SMYD5: variants seen among roughly 807,000 people sequenced by gnomAD.
SMYD5 encodes the protein SMYD family member 5.
SMYD5 carries 35 observed loss-of-function variants against 57.4 expected under a neutral mutation model. The ratio of observed to expected loss-of-function variants is 0.61; its 90% confidence interval spans 0.47 to 0.81. The LOEUF (loss-of-function observed/expected upper bound fraction) is 0.81, where lower values mean the gene tolerates loss of function less well. SMYD5 is among the 30% of genes least tolerant of loss of function. The pLI, the probability that SMYD5 is intolerant of heterozygous loss-of-function variation, is 0.00. For missense variants in SMYD5, 471 were observed against 527.9 expected (o/e 0.89, Z 1.06); for synonymous variants, 198 against 189.7 (o/e 1.04, Z -0.36).
chr2:73,221,432 CTTTTT>C (rs57627686), intron 5 of SMYD5, among the ~76,000 whole-genome samples, 198 bp downstream of exon 5: 2 of 128,494 alleles, frequency 1.6e-5, no homozygotes. Flanking sequence ...TGCCTGTAGT[CTTTTT>C]TTTTTTTTTT....
chr2:73,224,714 G>T, intron 10 of SMYD5, 152 bp from the exon 11 acceptor site: 1 of 592,166 alleles, frequency 1.7e-6, no homozygotes, highest in Non-Finnish European at 3.0e-6. Context: ...CTTCAGGAAA[G>T]AACACTGGAT....
chr2:73,225,581 T>G, intron 11 of SMYD5, 50 bp from the exon 12 acceptor site: 1 of 1,550,228 alleles, frequency 6.5e-7, no homozygotes, highest in Non-Finnish European at 8.9e-7. Flanking sequence ...GAGGTCCTTA[T>G]GCCATTTAAA....
Position 73,220,191 on chromosome 2 carries a change from G to C in SMYD5, c.345+1G>C, listed in dbSNP as rs1686357466. 6.2e-7 allele frequency: 1 copy of C among 1,614,064 alleles called. No individual in the cohort carries two copies. Among genetic ancestry groups the C allele is most frequent in the East Asian group, 2.2e-5 (1 of 44,872 alleles). On this transcript the variant is annotated splice_donor_variant, in intron 3 of 12. Coordinates refer to ENST00000389501, the MANE Select transcript of SMYD5 (RefSeq NM_006062.3). LOFTEE classifies it high-confidence loss of function. ...CCACCAGAACTGTCCCCATTGCCAA[G>C]TGAGTATTCTTGGGGAGTGTACCTG...
Position 73,223,934 on chromosome 2 carries a change from T to A in SMYD5, c.884-13T>A, listed in dbSNP as rs1424253535. 6.2e-7 allele frequency: 1 copy of A among 1,612,946 alleles called. No individual in the cohort carries two copies. Among genetic ancestry groups the A allele is most frequent in the South Asian group, 1.1e-5 (1 of 91,056 alleles). On this transcript the variant is annotated splice_polypyrimidine_tract_variant and intron_variant, in intron 9 of 12. Transcript: ENST00000389501. ...AATGGGTAGAATAATGTGTGTGTAT[T>A]ACTGTCTTACAGCAACTGGAGAGTT...
Position 73,221,941 on chromosome 2 carries a change from T to C in SMYD5, c.642+11T>C. On this transcript the variant is annotated intron_variant, in intron 6 of 12. Coordinates refer to ENST00000389501, the MANE Select transcript of SMYD5 (RefSeq NM_006062.3). ...GGAGACAAATTCAAGGTTATTATTC[T>C]CCCGTGGCCTGTCTCCTTCCCTCCC... 1 of 1,530,888 alleles carries C rather than the reference T, an allele frequency of 6.5e-7. No individual in the cohort carries two copies. The highest frequency in any genetic ancestry group is 9.1e-7 in the Non-Finnish European group (1 of 1,104,196). The allele number at this position is 1,530,888 out of a possible 1,614,324, so 94.8% of individuals were successfully genotyped here. A position where few individuals can be genotyped will look rare whatever the true frequency, so the allele number is the denominator to read the frequency against.
chr2:73,217,824 A>C (rs1373639014), intron 1 of SMYD5, among the ~76,000 whole-genome samples: 2 of 152,046 alleles, frequency 1.3e-5, no homozygotes, highest in Non-Finnish European at 2.9e-5. Context: ...GAGTAGTGGG[A>C]GTATGTGCCC....
intron 5 of SMYD5, 147 bp downstream of exon 5, chr2:73,221,381 C>A: frequency 1.6e-6 from 1 of 638,416 alleles, no homozygotes; most frequent in Non-Finnish European, 2.8e-6. Context: ...GTAAAACCTT[C>A]AGAATGCACT....
intron 3 of SMYD5, 75 bp downstream of exon 3, chr2:73,220,265 C>T: frequency 6.5e-7 from 1 of 1,531,872 alleles, no homozygotes; most frequent in Non-Finnish European, 9.0e-7. Context: ...AGTGGGGAGA[C>T]AGGAGCAGCG....
chr2:73,217,467 C>T (rs191555067), intron 1 of SMYD5, among the ~76,000 whole-genome samples: 23 of 152,256 alleles, frequency 1.5e-4, no homozygotes, highest in East Asian at 1.4e-3. Flanking sequence ...TTCATATTGT[C>T]GTGTCCCATA....
chr2:73,223,855 C>T, intron 9 of SMYD5, 92 bp from the exon 10 acceptor site: 1 of 1,175,266 alleles, frequency 8.5e-7, no homozygotes, highest in Non-Finnish European at 1.3e-6. Context: ...GGTTGCAGGA[C>T]AGTGGAGACA....
chr2:73,222,248 G>A (rs561048403), intron 6 of SMYD5, among the ~76,000 whole-genome samples: 32 of 152,326 alleles, frequency 2.1e-4, no homozygotes, highest in African/African-American at 7.5e-4. Context: ...GAATGGGGCC[G>A]CAGAATCAGA....
chr2:73,214,403 C>T, intron 1 of SMYD5, 41 bp downstream of exon 1: 1 of 1,612,228 alleles, frequency 6.2e-7, no homozygotes, highest in Non-Finnish European at 8.5e-7. Flanking sequence ...TCTCCCCAGT[C>T]CGGCCATGGA....
intron 1 of SMYD5, chr2:73,214,884 T>C: frequency 1.7e-6 from 2 of 1,211,254 alleles, no homozygotes; most frequent in Non-Finnish European, 2.1e-6. Context: ...TTGTCGTTTT[T>C]ATTGTGTTCC....
In SMYD5 at chr2:73,224,916, T is replaced by C. The variant is rs1686469992; in HGVS notation, c.991T>C (p.Phe331Leu). 1.2e-6 allele frequency: 2 copies of C among 1,614,058 alleles called. No homozygotes were observed. The highest frequency in any genetic ancestry group is 1.7e-6 in the Non-Finnish European group (2 of 1,179,962). ...NAETSFPENN[F>L]LLHVTALEDI... ...AGAGACCTCCTTTCCAGAAAACAACTTCCTTTTGCATGTCACTGCTCTGGA... is the reference window on the plus strand; with the variant it reads ...AGAGACCTCCTTTCCAGAAAACAACCTCCTTTTGCATGTCACTGCTCTGGA... Residue 331 changes from phenylalanine to leucine, a missense_variant, in exon 11 of 13, where the codon TTC (phenylalanine) becomes CTC (leucine). Phe to Leu is a conservative substitution (Grantham distance 22). Coordinates refer to ENST00000389501, the MANE Select transcript of SMYD5 (RefSeq NM_006062.3).
In SMYD5 at chr2:73,214,249, G is replaced by A; in HGVS notation, c.-18G>A. ...GTCGAGGCGGGGTTAAGGGTCATAAGGCGGAGGCGCGCCCAAGATGGCGGC... is the reference window on the plus strand; with the variant it reads ...GTCGAGGCGGGGTTAAGGGTCATAAAGCGGAGGCGCGCCCAAGATGGCGGC... On this transcript the variant is annotated 5_prime_UTR_variant, in exon 1 of 13. Coordinates refer to ENST00000389501, the MANE Select transcript of SMYD5 (RefSeq NM_006062.3). 2 of 1,613,206 alleles carry A rather than the reference G, an allele frequency of 1.2e-6. No homozygotes were observed. Among genetic ancestry groups the A allele is most frequent in the Non-Finnish European group, 1.7e-6 (2 of 1,179,348 alleles).
At chr2:73,224,992 G>A (rs1306867173) in intron 11 of SMYD5, 32 bp downstream of exon 11, 3 of 1,548,754 alleles carry the variant, frequency 1.9e-6, no homozygotes, top group Non-Finnish European at 2.7e-6. Flanking sequence ...CGGGATGGGT[G>A]GGCAGTAGGC....
intron 1 of SMYD5, among the ~76,000 whole-genome samples, chr2:73,216,405 A>C (rs973797461): frequency 9.2e-5 from 14 of 152,214 alleles, no homozygotes; most frequent in South Asian, 2.1e-4. Context: ...AAATACAAAA[A>C]TTAGGCCTGG....
intron 1 of SMYD5, 165 bp downstream of exon 1, chr2:73,214,527 C>T (rs1019447982): frequency 6.1e-6 from 9 of 1,482,272 alleles, no homozygotes; most frequent in Non-Finnish European, 8.1e-6. Flanking sequence ...TGCGCGCAGG[C>T]TCGTGGCGCG....
rs370508378 is a variant in SMYD5 at position 73,226,405 on chromosome 2, C to T, written c.*459C>T. 4 of 157,420 alleles carry T rather than the reference C, an allele frequency of 2.5e-5. No homozygotes were observed. The highest frequency in any genetic ancestry group is 7.2e-5 in the African/African-American group (3 of 41,600). The allele number at this position is 157,420 out of a possible 1,614,324, so 9.8% of individuals were successfully genotyped here. ...GGTGGTGAGGCGTCCTCACCTCCCC[C>T]CACCACAGCTGTGGCTGGTAAGGCA... is the stretch of plus-strand genomic sequence containing the variant. On this transcript the variant is annotated 3_prime_UTR_variant, in exon 13 of 13. Transcript: ENST00000389501.
Sources: gnomAD v4.1 joint callset for allele counts (sites outside exome capture counted in the v4.1 genomes callset) on GRCh38, gnomAD v4.1.1 for gene constraint, MANE v1.5 for transcripts, NCBI Gene and HGNC (gene_info 2026-07-23, HGNC 2026-07-21) for gene names.